CLMP: variants seen among roughly 807,000 people sequenced by gnomAD.
The protein encoded by CLMP is CXADR like cell adhesion molecule, also known as CXADR-like membrane protein.
A neutral mutation model predicts 45.2 loss-of-function variants in CLMP; 27 were observed. That is an observed-to-expected ratio of 0.60 (90% confidence interval 0.44 to 0.82). CLMP has a LOEUF of 0.82. Among genes scored for constraint, CLMP ranks in the 40% least tolerant of loss-of-function variants. CLMP has a pLI of 0.00. For synonymous variants in CLMP, 167 were observed against 171.4 expected, an observed-to-expected ratio of 0.97 and a Z score of 0.20; for missense variants, 403 against 448.4, an observed-to-expected ratio of 0.90 and a Z score of 0.91.
At chr11:123,092,435 C>T (rs539798021) in intron 2 of CLMP, among the ~76,000 whole-genome samples, 1 of 152,006 alleles carries the variant, frequency 6.6e-6, no homozygotes, top group Non-Finnish European at 1.5e-5. Flanking sequence ...GTAGCTGGGA[C>T]TACAGGCACA....
At position 123,195,068 on chromosome 11, in the gene CLMP, A is replaced by C. The variant is rs1861963306; in HGVS notation, c.-128T>G. 5.0e-6 allele frequency: 4 copies of C among 797,388 alleles called. No homozygotes were observed. The highest frequency in any genetic ancestry group is 7.8e-5 in the East Asian group (2 of 25,582). 49.4% of individuals were successfully genotyped at this position (797,388 alleles called of 1,614,324 possible). A position where few individuals can be genotyped will look rare whatever the true frequency, so the allele number is the denominator to read the frequency against. On this transcript the variant is annotated 5_prime_UTR_variant, in exon 1 of 7. The change abolishes an upstream ATG in the 5' untranslated region. Coordinates refer to ENST00000448775, the MANE Select transcript of CLMP (RefSeq NM_024769.5). ...GGGTGCGCGCGAGGTGGCTGCAGCCATGTGCCGGGCGGGAGCCGGCCCCGC... is the reference window on the plus strand; with the variant it reads ...GGGTGCGCGCGAGGTGGCTGCAGCCCTGTGCCGGGCGGGAGCCGGCCCCGC...
At chr11:123,091,487 T>G (rs962779319) in intron 2 of CLMP, among the ~76,000 whole-genome samples, 1 of 152,196 alleles carries the variant, frequency 6.6e-6, no homozygotes, top group African/African-American at 2.4e-5. Context: ...TTCAAACAAC[T>G]GCCTCTGTTA....
chr11:123,116,233 A>G (rs1860718094), intron 1 of CLMP, among the ~76,000 whole-genome samples: 1 of 152,050 alleles, frequency 6.6e-6, no homozygotes. Flanking sequence ...GGCAGGAATC[A>G]TTAGGTGCAA....
Position 123,084,698 on chromosome 11 carries a change from T to C in CLMP, c.202A>G (p.Ser68Gly). 4.3e-6 allele frequency: 7 copies of C among 1,614,150 alleles called. No individual in the cohort carries two copies. Among genetic ancestry groups the C allele is most frequent in the Non-Finnish European group, 5.9e-6 (7 of 1,180,014 alleles). The stretch of plus-strand genomic sequence containing the variant: ...GTCAAGTTATTGTAGACATGACGAC[T>C]GGAGTAAGTGATCACCTGTGGGATA... Reference protein sequence around the residue: ...GNQKVVITYSSRHVYNNLTEE... With the variant: ...GNQKVVITYSGRHVYNNLTEE... The change falls in exon 3 of 7, where the codon AGT becomes GGT. Residue 68 changes from serine to glycine, a missense_variant. By Grantham distance (56) the Ser-to-Gly change is moderately conservative. Transcript: ENST00000448775.
intron 1 of CLMP, among the ~76,000 whole-genome samples, chr11:123,106,598 T>C (rs187705156): frequency 3.9e-5 from 6 of 152,282 alleles, no homozygotes; most frequent in Middle Eastern, 6.8e-3. Context: ...GTTGTTTACT[T>C]TTCCGTAAAA....
At chr11:123,074,648 T>C in intron 6 of CLMP, 54 bp downstream of exon 6, 1 of 1,564,958 alleles carries the variant, frequency 6.4e-7, no homozygotes, top group South Asian at 1.1e-5. Context: ...CTGGTCACTA[T>C]AGTGCTGGCC....
At chr11:123,074,173 C>CTTTTT (rs113482011) in intron 6 of CLMP, among the ~76,000 whole-genome samples, 2,180 of 130,540 alleles carry the variant, frequency 0.017, 66 homozygotes, top group East Asian at 0.14. Context: ...TATGTACATA[C>CTTTTT]TTTTTTTTTT....
At chr11:123,133,492 C>A (rs1861021575) in intron 1 of CLMP, among the ~76,000 whole-genome samples, 1 of 152,124 alleles carries the variant, frequency 6.6e-6, no homozygotes, top group Admixed American at 6.6e-5. Flanking sequence ...TCCATTGATT[C>A]CCCTACCTTG....
intron 1 of CLMP, among the ~76,000 whole-genome samples, chr11:123,116,825 C>T (rs1261764763): frequency 6.6e-6 from 1 of 152,136 alleles, no homozygotes; most frequent in Non-Finnish European, 1.5e-5. Context: ...CTTTTTCATA[C>T]ATATTTTGAG....
intron 1 of CLMP, among the ~76,000 whole-genome samples, chr11:123,134,581 G>C (rs1317671080): frequency 6.6e-6 from 1 of 151,624 alleles, no homozygotes; most frequent in Non-Finnish European, 1.5e-5. Context: ...CTGAGGCGGG[G>C]GTGGGGGATC....
At chr11:123,110,696 G>A (rs1421176851) in intron 1 of CLMP, among the ~76,000 whole-genome samples, 2 of 152,184 alleles carry the variant, frequency 1.3e-5, no homozygotes, top group Non-Finnish European at 1.5e-5. Flanking sequence ...GCCGGATATT[G>A]AGCATCTACT....
chr11:123,180,365 C>T (rs1248708197), intron 1 of CLMP, among the ~76,000 whole-genome samples: 2 of 152,230 alleles, frequency 1.3e-5, no homozygotes, highest in South Asian at 2.1e-4. Flanking sequence ...CTGATTAGGT[C>T]ATGAGAGCAG....
chr11:123,096,525 A>G (rs1029882455), intron 2 of CLMP, among the ~76,000 whole-genome samples: 1 of 152,162 alleles, frequency 6.6e-6, no homozygotes, highest in Non-Finnish European at 1.5e-5. Flanking sequence ...CTCTGTCCCA[A>G]AATAAAAAAA....
chr11:123,127,410 C>T (rs1219546186), intron 1 of CLMP, among the ~76,000 whole-genome samples: 6 of 152,324 alleles, frequency 3.9e-5, no homozygotes, highest in Admixed American at 1.3e-4. Context: ...GCGTGAGCCA[C>T]AGCGCCCAGC....
chr11:123,130,243 G>C (rs193090993), intron 1 of CLMP, among the ~76,000 whole-genome samples: 1 of 152,194 alleles, frequency 6.6e-6, no homozygotes, highest in Admixed American at 6.6e-5. Flanking sequence ...GGAGTCCAAG[G>C]GATGTAACTG....
intron 1 of CLMP, among the ~76,000 whole-genome samples, chr11:123,143,240 C>T (rs1020977961): frequency 1.3e-5 from 2 of 152,192 alleles, no homozygotes; most frequent in Admixed American, 6.5e-5. Flanking sequence ...AATCAGCATC[C>T]GTGGACCTTA....
At chr11:123,114,074 T>C (rs950589520) in intron 1 of CLMP, among the ~76,000 whole-genome samples, 1 of 152,232 alleles carries the variant, frequency 6.6e-6, no homozygotes, top group Non-Finnish European at 1.5e-5. Context: ...GTTCCAAATG[T>C]GAAGTCGCTT....
chr11:123,162,730 T>TAA (rs1269801516), intron 1 of CLMP, among the ~76,000 whole-genome samples: 1 of 143,794 alleles, frequency 7.0e-6, no homozygotes, highest in Admixed American at 6.9e-5. Context: ...ACATTGTCTC[T>TAA]AAAAAAAAAA....
At chr11:123,087,013 G>C (rs1474008602) in intron 2 of CLMP, among the ~76,000 whole-genome samples, 1 of 152,158 alleles carries the variant, frequency 6.6e-6, no homozygotes, top group East Asian at 1.9e-4. Context: ...GGCCAACATG[G>C]TGAAACCCTG....
Sources: allele counts gnomAD v4.1 joint callset (sites outside exome capture counted in the v4.1 genomes callset), GRCh38; gene constraint gnomAD v4.1.1; transcripts MANE v1.5; gene names NCBI Gene and HGNC (gene_info 2026-07-23, HGNC 2026-07-21).